CCDC85A: variants seen among roughly 807,000 people sequenced by gnomAD.
CCDC85A encodes coiled-coil domain containing 85A.
In CCDC85A, 38 loss-of-function variants were observed where a neutral mutation model predicts 50.2. The observed-to-expected ratio is 0.76, with a 90% CI of 0.58 to 0.99. The LOEUF (loss-of-function observed/expected upper bound fraction) is 0.99, where lower values mean the gene tolerates loss of function less well. Among genes scored for constraint, CCDC85A ranks in the 50% least tolerant of loss-of-function variants. The pLI is 0.00. For synonymous variants in CCDC85A, 366 were observed against 301.4 expected (o/e 1.21, Z -2.22); for missense variants, 820 against 742.0 (o/e 1.11, Z -1.22).
chr2:56,312,594 G>A (rs1027459947), intron 2 of CCDC85A, among the ~76,000 whole-genome samples: 2 of 152,016 alleles, frequency 1.3e-5, no homozygotes, highest in African/African-American at 4.8e-5. Context: ...TGACATTATA[G>A]ACCATATCTG....
intron 2 of CCDC85A, among the ~76,000 whole-genome samples, chr2:56,296,312 G>A (rs1671945999): frequency 6.6e-6 from 1 of 152,146 alleles, no homozygotes; most frequent in Non-Finnish European, 1.5e-5. Flanking sequence ...GCCCTACTGT[G>A]CCAGGATGTT....
At chr2:56,250,421 T>C (rs1040548767) in intron 2 of CCDC85A, among the ~76,000 whole-genome samples, 2 of 152,112 alleles carry the variant, frequency 1.3e-5, no homozygotes, top group Non-Finnish European at 1.5e-5. Context: ...TGCTTGAACA[T>C]TGTTGAAAAA....
chr2:56,286,796 A>T (rs1302461426), intron 2 of CCDC85A, among the ~76,000 whole-genome samples: 1 of 152,190 alleles, frequency 6.6e-6, no homozygotes, highest in Non-Finnish European at 1.5e-5. Context: ...TTGGACATCA[A>T]GGATAATTCC....
intron 2 of CCDC85A, among the ~76,000 whole-genome samples, chr2:56,229,580 A>G (rs72801199): frequency 0.02 from 3,031 of 152,254 alleles, 53 homozygotes; most frequent in South Asian, 0.046. Flanking sequence ...AGAGAAAGAA[A>G]AACAGAAAAA....
At chr2:56,266,593 A>C (rs1670459336) in intron 2 of CCDC85A, among the ~76,000 whole-genome samples, 2 of 54,592 alleles carry the variant, frequency 3.7e-5, no homozygotes, top group Non-Finnish European at 8.0e-5. Context: ...CCCCCCCCAT[A>C]ATCTTCTTCC....
chr2:56,211,368 T>C (rs1195125165), intron 2 of CCDC85A, among the ~76,000 whole-genome samples: 2 of 152,208 alleles, frequency 1.3e-5, no homozygotes, highest in African/African-American at 4.8e-5. Flanking sequence ...TATTTATTTC[T>C]TTATTTCTTA....
At chr2:56,217,830 A>G (rs1333725277) in intron 2 of CCDC85A, among the ~76,000 whole-genome samples, 1 of 151,906 alleles carries the variant, frequency 6.6e-6, no homozygotes, top group African/African-American at 2.4e-5. Context: ...GCAAACATTC[A>G]AATATACATC....
chr2:56,216,280 A>G (rs983238134), intron 2 of CCDC85A, among the ~76,000 whole-genome samples: 3 of 151,882 alleles, frequency 2.0e-5, no homozygotes, highest in African/African-American at 4.8e-5. Flanking sequence ...CTTCAGCTTT[A>G]CTAGATAATG....
intron 2 of CCDC85A, among the ~76,000 whole-genome samples, chr2:56,258,481 G>A (rs1670081502): frequency 6.6e-6 from 1 of 152,136 alleles, no homozygotes. Flanking sequence ...TATGGCCTGA[G>A]CTTGGCCTGA....
At chr2:56,342,747 T>C in intron 2 of CCDC85A, 132 bp from the exon 3 acceptor site, 1 of 425,168 alleles carries the variant, frequency 2.4e-6, no homozygotes, top group Non-Finnish European at 4.0e-6. Context: ...CTGGGAGATA[T>C]TTTTTTTTCT....
chr2:56,249,373 C>T (rs1036102947), intron 2 of CCDC85A, among the ~76,000 whole-genome samples: 1 of 152,246 alleles, frequency 6.6e-6, no homozygotes, highest in Non-Finnish European at 1.5e-5. Flanking sequence ...TGGCCATGCC[C>T]AGTGAGATGC....
intron 2 of CCDC85A, among the ~76,000 whole-genome samples, chr2:56,282,071 T>C (rs1048524240): frequency 6.6e-6 from 1 of 152,168 alleles, no homozygotes; most frequent in African/African-American, 2.4e-5. Context: ...CATCTTTAGG[T>C]CTGTGATCCA....
intron 2 of CCDC85A, among the ~76,000 whole-genome samples, chr2:56,277,134 G>A (rs1267341257): frequency 6.6e-6 from 1 of 152,100 alleles, no homozygotes; most frequent in Non-Finnish European, 1.5e-5. Context: ...TAGCTCAGCA[G>A]CTTAAATGAG....
At chr2:56,354,684 A>G (rs1675132721) in intron 3 of CCDC85A, among the ~76,000 whole-genome samples, 1 of 152,210 alleles carries the variant, frequency 6.6e-6, no homozygotes, top group Admixed American at 6.5e-5. Context: ...ATGTTAACAC[A>G]TGACACTAAT....
At chr2:56,187,380 T>C (rs1241846115) in intron 1 of CCDC85A, among the ~76,000 whole-genome samples, 1 of 152,174 alleles carries the variant, frequency 6.6e-6, no homozygotes, top group Non-Finnish European at 1.5e-5. Context: ...ACACAGGAGA[T>C]GGCAGCATCA....
intron 3 of CCDC85A, 30 bp from the exon 4 acceptor site, chr2:56,372,314 G>A (rs77716160): frequency 6.7e-7 from 1 of 1,492,092 alleles, no homozygotes; most frequent in African/African-American, 1.4e-5. Context: ...ATTTTTCTGA[G>A]TGATTGTACC....
At chr2:56,247,535 C>T (rs1669565792) in intron 2 of CCDC85A, among the ~76,000 whole-genome samples, 1 of 152,168 alleles carries the variant, frequency 6.6e-6, no homozygotes, top group African/African-American at 2.4e-5. Flanking sequence ...GCAATAGGAG[C>T]TCACAGAGCA....
intron 2 of CCDC85A, among the ~76,000 whole-genome samples, chr2:56,334,785 G>T (rs1223561208): frequency 6.6e-6 from 1 of 152,198 alleles, no homozygotes; most frequent in Non-Finnish European, 1.5e-5. Flanking sequence ...AGAGAAGAAT[G>T]AGGAAAGTAC....
chr2:56,320,905 A>C (rs1673149079), intron 2 of CCDC85A, among the ~76,000 whole-genome samples: 1 of 152,174 alleles, frequency 6.6e-6, no homozygotes, highest in Non-Finnish European at 1.5e-5. Flanking sequence ...AATACTGGCA[A>C]ACCGAATCCA....
Sources: gnomAD v4.1 joint callset for allele counts (sites outside exome capture counted in the v4.1 genomes callset) on GRCh38, gnomAD v4.1.1 for gene constraint, MANE v1.5 for transcripts, NCBI Gene and HGNC (gene_info 2026-07-23, HGNC 2026-07-21) for gene names.